SKIL: variants seen among roughly 807,000 people sequenced by gnomAD.
SKIL encodes the protein SKI like proto-oncogene.
Under a neutral mutation model 69.6 loss-of-function variants are expected in SKIL, and 20 were observed. The observed-to-expected ratio is 0.29, with a 90% CI of 0.20 to 0.42. The LOEUF (loss-of-function observed/expected upper bound fraction) is 0.42, where lower values mean the gene tolerates loss of function less well. Among genes scored for constraint, SKIL ranks in the 10% least tolerant of loss-of-function variants. The pLI, the probability that SKIL is intolerant of heterozygous loss-of-function variation, is 1.00. For synonymous variants in SKIL, 310 were observed against 279.9 expected (o/e 1.11, Z -1.08); for missense variants, 745 against 783.1 (o/e 0.95, Z 0.58).
intron 2 of SKIL, among the ~76,000 whole-genome samples, chr3:170,365,331 C>A (rs1382667806): frequency 6.6e-6 from 1 of 152,138 alleles, no homozygotes; most frequent in African/African-American, 2.4e-5. Context: ...CTTTTCTTAT[C>A]AATTTACCTT....
chr3:170,387,692 G>A (rs1169136983), intron 4 of SKIL, among the ~76,000 whole-genome samples: 2 of 147,874 alleles, frequency 1.4e-5, no homozygotes, highest in African/African-American at 2.5e-5. Context: ...GGGAGGCCGA[G>A]GCGGGCGGAT....
At chr3:170,390,192 T>C (rs1240410511) in intron 4 of SKIL, 31 bp from the exon 5 acceptor site, 3 of 1,527,392 alleles carry the variant, frequency 2.0e-6, no homozygotes, top group East Asian at 4.5e-5. Flanking sequence ...GTGATATTCA[T>C]ACTTTGTTAC....
intron 2 of SKIL, among the ~76,000 whole-genome samples, chr3:170,367,153 G>C (rs983147736): frequency 2.0e-5 from 3 of 152,094 alleles, no homozygotes; most frequent in African/African-American, 7.2e-5. Context: ...CTGTTGACCA[G>C]GCTGGAGTGC....
rs1247061596 is a variant in SKIL at position 170,359,989 on chromosome 3, G to C, written c.-343G>C. On this transcript the variant is annotated 5_prime_UTR_variant, in exon 2 of 7. Transcript: ENST00000259119. ...TTTGGTTAAAACAAACCAGACCATTGCATTGACCCTGGACATCTTTAATTG... is the reference window on the plus strand; with the variant it reads ...TTTGGTTAAAACAAACCAGACCATTCCATTGACCCTGGACATCTTTAATTG... The C allele has an allele frequency of 5.5e-6, 1 of 183,200 alleles. No homozygotes were observed. Among genetic ancestry groups the C allele is most frequent in the African/African-American group, 2.4e-5 (1 of 42,376 alleles). 11.3% of individuals were successfully genotyped at this position (183,200 alleles called of 1,614,324 possible). A position where few individuals can be genotyped will look rare whatever the true frequency, so the allele number is the denominator to read the frequency against.
chr3:170,392,913 T>A lies in SKIL; in HGVS notation c.*496T>A, dbSNP rs1421887205. 5 of 152,254 alleles carry A rather than the reference T, an allele frequency of 3.3e-5. No homozygotes were observed. Among genetic ancestry groups the A allele is most frequent in the Non-Finnish European group, 7.3e-5 (5 of 68,070 alleles). 9.4% of individuals were successfully genotyped at this position (152,254 alleles called of 1,614,324 possible). ...GTGTACTCATTAACATACACCAAAT[T>A]TACTTTTACTTTGTTCAGATTGTGG... On this transcript the variant is annotated 3_prime_UTR_variant, in exon 7 of 7. Transcript: ENST00000259119.
chr3:170,374,758 C>G (rs1054051099), intron 2 of SKIL, among the ~76,000 whole-genome samples: 1 of 152,028 alleles, frequency 6.6e-6, no homozygotes, highest in African/African-American at 2.4e-5. Context: ...TATGGCTTAC[C>G]ACAGCATATT....
chr3:170,377,039 C>T (rs1737065151), intron 2 of SKIL, among the ~76,000 whole-genome samples: 2 of 152,178 alleles, frequency 1.3e-5, no homozygotes, highest in Admixed American at 6.5e-5. Flanking sequence ...TAATTTTCCT[C>T]TCTCCTTAGG....
At chr3:170,370,285 CATT>C (rs1736737336) in intron 2 of SKIL, among the ~76,000 whole-genome samples, 1 of 151,982 alleles carries the variant, frequency 6.6e-6, no homozygotes, top group Admixed American at 6.6e-5. Context: ...ATCACTAACT[CATT>C]ATATTAGGCA....
intron 2 of SKIL, among the ~76,000 whole-genome samples, chr3:170,377,336 C>G (rs558526543): frequency 6.8e-6 from 1 of 147,890 alleles, no homozygotes; most frequent in Non-Finnish European, 1.5e-5. Context: ...TCCCCTGTTT[C>G]GGTTGATTCT....
intron 2 of SKIL, among the ~76,000 whole-genome samples, chr3:170,367,231 CCT>C (rs1410082547): frequency 3.3e-5 from 5 of 151,922 alleles, no homozygotes; most frequent in Non-Finnish European, 5.9e-5. Flanking sequence ...GCCTCAGCCC[CCT>C]GAGTAGCTGG....
At chr3:170,378,169 G>A (rs540975421) in intron 2 of SKIL, among the ~76,000 whole-genome samples, 1 of 152,292 alleles carries the variant, frequency 6.6e-6, no homozygotes, top group Admixed American at 6.5e-5. Context: ...GGGATTACAG[G>A]CGTGAGCCAC....
intron 3 of SKIL, among the ~76,000 whole-genome samples, chr3:170,381,970 T>C (rs1737378419): frequency 6.6e-6 from 1 of 151,698 alleles, no homozygotes; most frequent in African/African-American, 2.4e-5. Context: ...TAGTCCCAGC[T>C]ACTCGGGAGG....
intron 2 of SKIL, among the ~76,000 whole-genome samples, chr3:170,362,195 A>G (rs1027206380): frequency 3.3e-5 from 5 of 152,200 alleles, no homozygotes; most frequent in African/African-American, 1.2e-4. Context: ...GTTATTTTAA[A>G]CTAATAAAAT....
intron 2 of SKIL, among the ~76,000 whole-genome samples, chr3:170,372,946 C>G (rs1736859453): frequency 6.6e-6 from 1 of 151,622 alleles, no homozygotes; most frequent in African/African-American, 2.4e-5. Flanking sequence ...ATCTTTATCA[C>G]TTATAGCACT....
At chr3:170,369,082 A>ATTTTTTTT (rs55652320) in intron 2 of SKIL, among the ~76,000 whole-genome samples, 3 of 126,776 alleles carry the variant, frequency 2.4e-5, no homozygotes, top group African/African-American at 3.0e-5. Flanking sequence ...TATCCCTGGC[A>ATTTTTTTT]TTTTTTTTTT....
At chr3:170,388,267 G>C (rs1208988084) in intron 4 of SKIL, among the ~76,000 whole-genome samples, 1 of 152,066 alleles carries the variant, frequency 6.6e-6, no homozygotes, top group Non-Finnish European at 1.5e-5. Context: ...TGATGATATT[G>C]AGTATCTTTT....
chr3:170,362,605 A>G (rs529962861), intron 2 of SKIL, among the ~76,000 whole-genome samples: 8 of 151,888 alleles, frequency 5.3e-5, no homozygotes, highest in Middle Eastern at 3.4e-3. Flanking sequence ...ACTTCAGGTC[A>G]GGAGTTTGAG....
At chr3:170,382,714 T>C (rs2108216343) in intron 3 of SKIL, among the ~76,000 whole-genome samples, 1 of 125,568 alleles carries the variant, frequency 8.0e-6, no homozygotes. Context: ...GAGCCGCAAC[T>C]TCAATTTTTT....
chr3:170,365,168 T>C (rs1736437927), intron 2 of SKIL, among the ~76,000 whole-genome samples: 1 of 147,006 alleles, frequency 6.8e-6, no homozygotes, highest in East Asian at 2.3e-4. Flanking sequence ...TGAATGACAA[T>C]ATTTCCACCT....
Sources: gnomAD v4.1 joint callset for allele counts (sites outside exome capture counted in the v4.1 genomes callset) on GRCh38, gnomAD v4.1.1 for gene constraint, MANE v1.5 for transcripts, NCBI Gene and HGNC (gene_info 2026-07-23, HGNC 2026-07-21) for gene names.